CACNA1D: variants seen among roughly 807,000 people sequenced by gnomAD.
CACNA1D encodes calcium voltage-gated channel subunit alpha1 D, also known as voltage-dependent L-type calcium channel subunit alpha-1D.
Under a neutral mutation model 257.1 loss-of-function variants are expected in CACNA1D, and 55 were observed. That is an observed-to-expected ratio of 0.21 (90% CI 0.17 to 0.27). The LOEUF is 0.27. Among genes scored for constraint, CACNA1D ranks in the 10% least tolerant of loss-of-function variants. The pLI is 1.00. For missense variants in CACNA1D, 1,876 were observed against 2,784.0 expected (o/e 0.67, Z 7.34); for synonymous variants, 980 against 1,014.9 (o/e 0.97, Z 0.65).
intron 25 of CACNA1D, among the ~76,000 whole-genome samples, chr3:53,746,231 C>G (rs1431482432): frequency 6.6e-6 from 1 of 151,994 alleles, no homozygotes; most frequent in Non-Finnish European, 1.5e-5. Flanking sequence ...ATGAAATGCC[C>G]CAAATAGCTT....
At chr3:53,553,104 C>T (rs2092568344) in intron 3 of CACNA1D, among the ~76,000 whole-genome samples, 1 of 152,222 alleles carries the variant, frequency 6.6e-6, no homozygotes, top group Admixed American at 6.5e-5. Flanking sequence ...CAGACAGTGA[C>T]TTCAGCTTAG....
At chr3:53,719,647 A>G in intron 10 of CACNA1D, 108 bp from the exon 11 acceptor site, 2 of 999,458 alleles carry the variant, frequency 2.0e-6, no homozygotes, top group South Asian at 2.5e-5. Context: ...CAGGGGTGCT[A>G]AGTCCAGGCT....
chr3:53,528,858 G>C (rs1416728343), intron 3 of CACNA1D, among the ~76,000 whole-genome samples: 2 of 152,062 alleles, frequency 1.3e-5, no homozygotes, highest in Admixed American at 6.5e-5. Context: ...ATGTTGCCTT[G>C]TACATGCCGC....
chr3:53,605,036 G>A (rs112515284), intron 3 of CACNA1D, among the ~76,000 whole-genome samples: 2,219 of 152,320 alleles, frequency 0.015, 57 homozygotes, highest in African/African-American at 0.05. Flanking sequence ...ACTTATGTGT[G>A]TATGAAACAG....
At chr3:53,692,350 A>T (rs2094536399) in intron 8 of CACNA1D, among the ~76,000 whole-genome samples, 2 of 152,152 alleles carry the variant, frequency 1.3e-5, no homozygotes, top group African/African-American at 4.8e-5. Flanking sequence ...GCCGAGTGGG[A>T]TAGTATCTGG....
At chr3:53,783,488 A>G (rs1317612684) in intron 39 of CACNA1D, among the ~76,000 whole-genome samples, 1 of 152,160 alleles carries the variant, frequency 6.6e-6, no homozygotes, top group Non-Finnish European at 1.5e-5. Flanking sequence ...ACAGGTTTTA[A>G]TCTATTCCAC....
intron 3 of CACNA1D, among the ~76,000 whole-genome samples, chr3:53,504,179 T>C (rs1029998033): frequency 6.6e-6 from 1 of 152,170 alleles, no homozygotes; most frequent in Non-Finnish European, 1.5e-5. Context: ...TTTCATTTAA[T>C]GTGAATGGTA....
intron 30 of CACNA1D, chr3:53,762,474 T>C: frequency 2.2e-6 from 1 of 448,304 alleles, no homozygotes; most frequent in Non-Finnish European, 4.5e-6. Flanking sequence ...TGTTCCCCTT[T>C]TGTAACACTG....
intron 2 of CACNA1D, among the ~76,000 whole-genome samples, chr3:53,500,789 T>TTA (rs2090567737): frequency 6.6e-6 from 1 of 152,210 alleles, no homozygotes; most frequent in African/African-American, 2.4e-5. Flanking sequence ...AATGTTTAGG[T>TTA]AAGTATCTCT....
At chr3:53,549,082 G>T (rs1168822047) in intron 3 of CACNA1D, among the ~76,000 whole-genome samples, 1 of 152,212 alleles carries the variant, frequency 6.6e-6, no homozygotes, top group Non-Finnish European at 1.5e-5. Context: ...TTGTTTTACA[G>T]CACTTAGCGG....
intron 11 of CACNA1D, 57 bp from the exon 12 acceptor site, chr3:53,722,257 T>C: frequency 6.3e-7 from 1 of 1,592,646 alleles, no homozygotes; most frequent in Non-Finnish European, 8.6e-7. Flanking sequence ...ATCATATTTA[T>C]TGGATACTCA....
intron 3 of CACNA1D, among the ~76,000 whole-genome samples, chr3:53,534,011 G>C (rs1436873059): frequency 6.6e-6 from 1 of 152,206 alleles, no homozygotes; most frequent in Admixed American, 6.5e-5. Context: ...GTATGCAGCT[G>C]TAGTAGAGGA....
chr3:53,698,350 C>T (rs2094591183), intron 8 of CACNA1D, among the ~76,000 whole-genome samples: 1 of 152,216 alleles, frequency 6.6e-6, no homozygotes, highest in South Asian at 2.1e-4. Context: ...AGAATGGTCT[C>T]ATCCACATCA....
chr3:53,740,705 T>G (rs2095109100), intron 21 of CACNA1D, among the ~76,000 whole-genome samples: 1 of 152,122 alleles, frequency 6.6e-6, no homozygotes, highest in South Asian at 2.1e-4. Context: ...CACTCTGGCT[T>G]CATGATAGTG....
intron 3 of CACNA1D, among the ~76,000 whole-genome samples, chr3:53,603,510 A>C (rs1034763280): frequency 1.3e-5 from 2 of 152,196 alleles, no homozygotes; most frequent in African/African-American, 4.8e-5. Context: ...CCTGGGACCT[A>C]GTATATATAG....
At chr3:53,785,696 T>TACCTGCTTC (rs1435832821) in intron 39 of CACNA1D, 3 of 152,304 alleles carry the variant, frequency 2.0e-5, no homozygotes, top group African/African-American at 7.2e-5. Context: ...CTGAGTGCTT[T>TACCTGCTTC]ACCTGCTTCC....
chr3:53,723,850 G>C lies in CACNA1D; in HGVS notation c.1951G>C (p.Ala651Pro). ...ASLLNSMKSI[A>P]SLLLLLFLFI... ...CTTATTAAACTCCATGAAGTCCATC[G>C]CTTCGCTGTTGCTTCTGCTTTTTCT... Residue 651 changes from alanine to proline, a missense_variant, in exon 14 of 48, where the codon GCT becomes CCT. By Grantham distance (27) the Ala-to-Pro change is conservative. This residue lies in a region of CACNA1D where 257 missense variants were observed against 399.7 expected (regional missense o/e 0.64). Coordinates refer to ENST00000350061, the MANE Select transcript of CACNA1D (RefSeq NM_001128840.3). The surrounding 1 kb of genome is among the most constrained non-coding windows in gnomAD (Gnocchi z 5.6). The C allele has an allele frequency of 6.2e-7, 1 of 1,614,140 alleles. No homozygotes were observed. Among genetic ancestry groups the C allele is most frequent in the Non-Finnish European group, 8.5e-7 (1 of 1,180,010 alleles).
chr3:53,598,045 T>C (rs2093392903), intron 3 of CACNA1D, among the ~76,000 whole-genome samples: 1 of 152,192 alleles, frequency 6.6e-6, no homozygotes, highest in Admixed American at 6.5e-5. Flanking sequence ...TAGGACAGTA[T>C]GAAGGCTTTC....
chr3:53,514,129 C>G (rs1189391622), intron 3 of CACNA1D, among the ~76,000 whole-genome samples: 6 of 152,108 alleles, frequency 3.9e-5, no homozygotes, highest in African/African-American at 4.8e-5. Flanking sequence ...TTAAAAAAAT[C>G]CTCATTTTAC....
Sources: gnomAD v4.1 joint callset for allele counts (sites outside exome capture counted in the v4.1 genomes callset) on GRCh38, gnomAD v4.1.1 for gene constraint, gnomAD v4.1.1 regional missense constraint, Gnocchi (gnomAD v3.1) non-coding constraint, MANE v1.5 for transcripts, NCBI Gene and HGNC (gene_info 2026-07-23, HGNC 2026-07-21) for gene names.